Variants in LCT observed in about 807,000 individuals in gnomAD.
LCT encodes the protein lactase/phlorizin hydrolase.
A neutral mutation model predicts 173.0 loss-of-function variants in LCT; 90 were observed. That is an observed-to-expected ratio of 0.52 (90% CI 0.44 to 0.62). LCT has a LOEUF of 0.62. LCT is among the 20% of genes least tolerant of loss of function. The pLI is 0.00. For synonymous variants in LCT, 853 were observed against 957.6 expected (o/e 0.89, Z 2.02); for missense variants, 1,864 against 2,431.4 (o/e 0.77, Z 4.91).
rs756555405 is a variant in LCT at position 135,789,652 on chromosome 2, C to T, written c.5482G>A (p.Ala1828Thr). Residue 1828 changes from alanine (A) to threonine (T), a missense_variant, in exon 16 of 17, where the codon GCG becomes ACG. Around this residue, in one of 4 missense-constraint regions of LCT, gnomAD observed 514 missense variants for 750.1 expected, o/e 0.69. Transcript: ENST00000264162. ...CGGACCACAGAGGCGTAGAACTTCG[C>T]TGATGCTTTGGGGATCCTTGGCAGA... is the stretch of plus-strand genomic sequence containing the variant. The part of the protein sequence containing the change: ...PSLPRIPKAS[A>T]KFYASVVRCN... 4 of 1,614,094 alleles carry T rather than the reference C, an allele frequency of 2.5e-6. No individual in the cohort carries two copies. The highest frequency in any genetic ancestry group is 3.4e-6 in the Non-Finnish European group (4 of 1,180,044).
chr2:135,813,596 C>A (rs1427491178), intron 6 of LCT, among the ~76,000 whole-genome samples: 1 of 152,192 alleles, frequency 6.6e-6, no homozygotes, highest in Non-Finnish European at 1.5e-5. Flanking sequence ...ATGGTGAAAA[C>A]AAGATCCAGA....
chr2:135,798,222 G>A, intron 12 of LCT, 84 bp from the exon 13 acceptor site: 1 of 801,536 alleles, frequency 1.2e-6, no homozygotes, highest in Non-Finnish European at 2.3e-6. Flanking sequence ...GAAGTGCCTG[G>A]CCTCACAACC....
At position 135,789,614 on chromosome 2, in the gene LCT, G is replaced by A; in HGVS notation, c.5520C>T (p.Phe1840=). The change falls in exon 16 of 17, where the codon TTC becomes TTT. Residue 1840 remains phenylalanine, a synonymous_variant. Coordinates refer to ENST00000264162, the MANE Select transcript of LCT (RefSeq NM_002299.4). The part of the protein sequence containing the change: ...FYASVVRCNG[F]PDPATGPHAC... ...CGTGAGGCCCTGTAGCGGGGTCAGGGAAGCCATTGCATCGGACCACAGAGG... is the reference window on the plus strand; with the variant it reads ...CGTGAGGCCCTGTAGCGGGGTCAGGAAAGCCATTGCATCGGACCACAGAGG... The A allele has an allele frequency of 6.2e-7, 1 of 1,614,094 alleles. No homozygotes were observed. The highest frequency in any genetic ancestry group is 1.1e-5 in the South Asian group (1 of 91,072).
At chr2:135,793,732 G>A (rs1408617281) in intron 14 of LCT, among the ~76,000 whole-genome samples, 1 of 152,030 alleles carries the variant, frequency 6.6e-6, no homozygotes, top group Admixed American at 6.6e-5. Flanking sequence ...AAACAATACA[G>A]GATATGGATG....
At chr2:135,822,533 G>A in intron 4 of LCT, 3 of 202,850 alleles carry the variant, frequency 1.5e-5, no homozygotes, top group Non-Finnish European at 3.0e-5. Context: ...TTAAAATTGT[G>A]GTAAAATACG....
intron 10 of LCT, 27 bp from the exon 11 acceptor site, chr2:135,804,155 C>T (rs747916466): frequency 1.3e-6 from 2 of 1,586,994 alleles, no homozygotes; most frequent in Non-Finnish European, 1.7e-6. Flanking sequence ...TCAGCTGTTG[C>T]ATCAGTCATG....
Position 135,833,201 on chromosome 2 carries a change from C to T in LCT, c.641-11G>A. On this transcript the variant is annotated splice_polypyrimidine_tract_variant and intron_variant, in intron 1 of 16. Transcript: ENST00000264162. ...CAGAGAGTTTTCCGCCTGAAACCAACCAGAGACACGAACAGCAGGTGAGCG... is the reference window on the plus strand; with the variant it reads ...CAGAGAGTTTTCCGCCTGAAACCAATCAGAGACACGAACAGCAGGTGAGCG... The T allele has an allele frequency of 1.2e-6, 2 of 1,610,274 alleles. No individual in the cohort carries two copies. Among genetic ancestry groups the T allele is most frequent in the South Asian group, 1.1e-5 (1 of 90,962 alleles).
At chr2:135,797,444 AGCATGCGCCCTGGG>A (rs2077591457) in intron 13 of LCT, among the ~76,000 whole-genome samples, 1 of 152,186 alleles carries the variant, frequency 6.6e-6, no homozygotes, top group Non-Finnish European at 1.5e-5. Context: ...TCAAGCCCCC[AGCATGCGCCCTGGG>A]GGCCGACAGC....
At position 135,795,045 on chromosome 2, in the gene LCT, G is replaced by GCGCACACA. The variant is rs766023610; in HGVS notation, c.4977-271_4977-270insTGTGTGCG. Among the ~76,000 whole-genome samples, 49 of 149,932 alleles carry GCGCACACA rather than the reference G, an allele frequency of 3.3e-4. 1 individual carries two copies. Among genetic ancestry groups the GCGCACACA allele is most frequent in the Admixed American group, 8.6e-4 (13 of 15,080 alleles). ...CACACACGCACCCACGCGCGCGCGC[G>GCGCACACA]CACACACACACACACACACACACAT... On this transcript the variant is annotated intron_variant, in intron 13 of 16. Coordinates refer to ENST00000264162, the MANE Select transcript of LCT (RefSeq NM_002299.4).
rs76714842 is a variant in LCT at position 135,801,161 on chromosome 2, G to A, written c.4664-352C>T. Among the ~76,000 whole-genome samples the A allele has an allele frequency of 0.01, 1,572 of 152,008 alleles. 98 individuals carry two copies. The East Asian group carries it at 0.18, about 18-fold the overall frequency. On this transcript the variant is annotated intron_variant, in intron 11 of 16. Coordinates refer to ENST00000264162, the MANE Select transcript of LCT (RefSeq NM_002299.4). Reference sequence around the variant, plus strand: ...TTCCCCTCCTCCAGAAGAGTGGCTCGTACGTCTCAGGCAAAATACCCATAA... The same window carrying A: ...TTCCCCTCCTCCAGAAGAGTGGCTCATACGTCTCAGGCAAAATACCCATAA...
At chr2:135,788,591 A>C (rs1352831798) in intron 16 of LCT, 47 bp from the exon 17 acceptor site, 2 of 1,212,960 alleles carry the variant, frequency 1.6e-6, no homozygotes, top group African/African-American at 1.5e-5. Context: ...CGCTGATTTG[A>C]GTTCTCAGAT....
intron 2 of LCT, among the ~76,000 whole-genome samples, 180 bp from the exon 3 acceptor site, chr2:135,829,856 TAGGGGGCGGG>T: frequency 6.7e-6 from 1 of 149,294 alleles, no homozygotes; most frequent in South Asian, 2.1e-4. Flanking sequence ...TGTGTGTGTG[TAGGGGGCGGG>T]GGGTGCCTGT....
At chr2:135,820,845 G>T (rs2077821604) in intron 5 of LCT, among the ~76,000 whole-genome samples, 1 of 151,990 alleles carries the variant, frequency 6.6e-6, no homozygotes, top group Non-Finnish European at 1.5e-5. Flanking sequence ...GTGCATGAAA[G>T]CAATGTAATT....
Position 135,794,686 on chromosome 2 carries a change from T to C in LCT, c.5066A>G (p.Tyr1689Cys), listed in dbSNP as rs537513318. The C allele has an allele frequency of 6.2e-7, 1 of 1,614,178 alleles. No individual in the cohort carries two copies. The highest frequency in any genetic ancestry group is 2.2e-5 in the East Asian group (1 of 44,888). Residue 1689 changes from tyrosine to cysteine, a missense_variant, in exon 14 of 17, where the codon TAC becomes TGC. Physicochemically the swap from Tyr to Cys is radical, Grantham distance 194. Transcript: ENST00000264162. ...GATGGCAGTGGCATAGTTGAGGTTG[T>C]AGGCGAGGACAGTGGTGTAGTGATT... ...GFNHYTTVLAYNLNYATAISS... is the reference protein window; with the variant it reads ...GFNHYTTVLACNLNYATAISS...
Position 135,805,019 on chromosome 2 carries a change from G to A in LCT, c.4212C>T (p.Ser1404=), listed in dbSNP as rs1488906899. The change falls in exon 10 of 17, where the codon AGC becomes AGT. Residue 1404 remains serine (S), a synonymous_variant. Coordinates refer to ENST00000264162, the MANE Select transcript of LCT (RefSeq NM_002299.4). ...GAWRADGKGL[S]IWDTFSHTPL... is the part of the protein sequence containing the mutation. ...GTGTGTGAGAAAACGTGTCCCAAAT[G>A]CTGAGTCCTTTGCCATCTGCTCTCC... 6.2e-7 allele frequency: 1 copy of A among 1,614,158 alleles called. No homozygotes were observed. The highest frequency in any genetic ancestry group is 1.1e-5 in the South Asian group (1 of 91,080).
chr2:135,788,705 C>T (rs756528944), intron 16 of LCT, among the ~76,000 whole-genome samples, 161 bp from the exon 17 acceptor site: 23 of 152,170 alleles, frequency 1.5e-4, no homozygotes, highest in Non-Finnish European at 3.2e-4. Flanking sequence ...TGTCAGGAGC[C>T]TCTGAGTGAA....
chr2:135,808,399 G>T, intron 8 of LCT, 44 bp downstream of exon 8: 1 of 1,452,992 alleles, frequency 6.9e-7, no homozygotes, highest in Non-Finnish European at 9.7e-7. Context: ...ATGACCCAGG[G>T]AATGTTGGAA....
At chr2:135,818,430 C>T (rs1029564612) in intron 5 of LCT, among the ~76,000 whole-genome samples, 5 of 152,186 alleles carry the variant, frequency 3.3e-5, no homozygotes, top group African/African-American at 9.7e-5. Flanking sequence ...CTTGATTCTG[C>T]GCTGGCCACT....
chr2:135,814,043 G>C (rs2077757824), intron 6 of LCT, among the ~76,000 whole-genome samples: 1 of 152,182 alleles, frequency 6.6e-6, no homozygotes, highest in South Asian at 2.1e-4. Flanking sequence ...GGGTAATTAT[G>C]GATCCATCTG....
Sources: allele counts gnomAD v4.1 joint callset (sites outside exome capture counted in the v4.1 genomes callset), GRCh38; gene constraint gnomAD v4.1.1; regional missense constraint gnomAD v4.1.1; transcripts MANE v1.5; gene names NCBI Gene and HGNC (gene_info 2026-07-23, HGNC 2026-07-21).